Variants in MCAM observed in about 807,000 individuals in gnomAD.
The protein encoded by MCAM is cell surface glycoprotein MUC18.
MCAM carries 55 observed loss-of-function variants against 79.1 expected under a neutral mutation model. The ratio of observed to expected loss-of-function variants is 0.70; its 90% CI spans 0.56 to 0.87. The LOEUF is 0.87. MCAM is among the 40% of genes least tolerant of loss of function. MCAM has a pLI of 0.00. For synonymous variants in MCAM, 330 were observed against 339.8 expected (o/e 0.97, Z 0.32); for missense variants, 745 against 839.8 (o/e 0.89, Z 1.40).
At position 119,317,027 on chromosome 11, in the gene MCAM, G is replaced by T. The variant is rs938909384; in HGVS notation, c.67+8C>A. 23 of 1,531,248 alleles carry T rather than the reference G, an allele frequency of 1.5e-5. No individual in the cohort carries two copies. The Admixed American group carries it at 4.1e-4, about 28-fold the overall frequency. 94.9% of individuals were successfully genotyped at this position (1,531,248 alleles called of 1,614,324 possible). ...GCCGGGGCGCGGCCCCCCTGCGAGC[G>T]AACTCACCCGCGACGCGAGGACAGC... On this transcript the variant is annotated splice_region_variant and intron_variant, in intron 1 of 15. Transcript: ENST00000264036. This position sits in a 1 kb window ranked among gnomAD's most constrained non-coding sequence, Gnocchi z 6.2.
In MCAM at chr11:119,317,077, C is replaced by A; in HGVS notation, c.25G>T (p.Ala9Ser). The A allele has an allele frequency of 1.3e-6, 2 of 1,534,414 alleles. No homozygotes were observed. Among genetic ancestry groups the A allele is most frequent in the Non-Finnish European group, 8.7e-7 (1 of 1,144,234 alleles). ...CAGCAGCAGGCGGCGAGCAAGAAGG[C>A]GCAGACCAGCCTGGGAAGCCCCATG... is the stretch of plus-strand genomic sequence containing the variant. The part of the protein sequence containing the change: MGLPRLVC[A>S]FLLAACCCCP... Residue 9 changes from alanine (A) to serine (S), a missense_variant, in exon 1 of 16, where the codon GCC (alanine) becomes TCC (serine). Coordinates refer to ENST00000264036, the MANE Select transcript of MCAM (RefSeq NM_006500.3). The surrounding 1 kb of genome is among the most constrained non-coding windows in gnomAD (Gnocchi z 6.2).
Position 119,312,727 on chromosome 11 carries a change from GCAGCCC to G in MCAM, c.739+37_739+42del, listed in dbSNP as rs1236930297. 1.2e-6 allele frequency: 2 copies of G among 1,613,014 alleles called. No homozygotes were observed. Among genetic ancestry groups the G allele is most frequent in the Non-Finnish European group, 1.7e-6 (2 of 1,179,310 alleles). ...AAGGGGGAGCCAGCAGGAGTTTCCA[GCAGCCC>G]CAGCCCCAGTAAGCAGAGAGTCAGG... On this transcript the variant is annotated intron_variant, in intron 6 of 15. Coordinates refer to ENST00000264036, the MANE Select transcript of MCAM (RefSeq NM_006500.3). The surrounding 1 kb of genome is among the most constrained non-coding windows in gnomAD (Gnocchi z 4.9).
In MCAM at chr11:119,315,399, C is replaced by T. The variant is rs981398247; in HGVS notation, c.68-136G>A. ...AGGGCCCTGTCCTCTGAACGCTCTA[C>T]CCCCACCCCGACCCGCGCCCCACCT... is the stretch of plus-strand genomic sequence containing the variant. On this transcript the variant is annotated intron_variant, in intron 1 of 15. Coordinates refer to ENST00000264036, the MANE Select transcript of MCAM (RefSeq NM_006500.3). This position sits in a 1 kb window ranked among gnomAD's most constrained non-coding sequence, Gnocchi z 4.4. 1.0e-5 allele frequency: 12 copies of T among 1,165,582 alleles called. No homozygotes were observed. Among genetic ancestry groups the T allele is most frequent in the Non-Finnish European group, 1.3e-5 (11 of 847,164 alleles). The allele number at this position is 1,165,582 out of a possible 1,614,324, so 72.2% of individuals were successfully genotyped here. A position where few individuals can be genotyped will look rare whatever the true frequency, so the allele number is the denominator to read the frequency against.
Position 119,317,119 on chromosome 11 carries a change from C to A in MCAM, c.-18G>T. 2 of 1,518,068 alleles carry A rather than the reference C, an allele frequency of 1.3e-6. No homozygotes were observed. The highest frequency in any genetic ancestry group is 1.8e-6 in the Non-Finnish European group (2 of 1,137,258). The allele number at this position is 1,518,068 out of a possible 1,614,324, so 94.0% of individuals were successfully genotyped here. ...AGCCCCATGCTTCCCGGCCGGAGGGCGAGAGCCAAGTGAGCAGCTCGAGGC... is the reference window on the plus strand; with the variant it reads ...AGCCCCATGCTTCCCGGCCGGAGGGAGAGAGCCAAGTGAGCAGCTCGAGGC... On this transcript the variant is annotated 5_prime_UTR_variant, in exon 1 of 16. Coordinates refer to ENST00000264036, the MANE Select transcript of MCAM (RefSeq NM_006500.3). The surrounding 1 kb of genome is among the most constrained non-coding windows in gnomAD (Gnocchi z 6.2).
rs551780965 is a variant in MCAM, at chr11:119,309,596, A to C, written c.*290T>G. On this transcript the variant is annotated 3_prime_UTR_variant, in exon 16 of 16. Transcript: ENST00000264036. ...ACAGCCATAATGTGTGTAAAGAAAA[A>C]ACACGTTCTGCAAGAAACTCTCCTA... The C allele has an allele frequency of 1.0e-5, 5 of 500,744 alleles. No individual in the cohort carries two copies. In the South Asian group the frequency reaches 1.4e-4, roughly 14 times the overall value. 31.0% of individuals were successfully genotyped at this position (500,744 alleles called of 1,614,324 possible). A position where few individuals can be genotyped will look rare whatever the true frequency, so the allele number is the denominator to read the frequency against.
At chr11:119,313,040 C>G in intron 5 of MCAM, 91 bp from the exon 6 acceptor site, 1 of 1,590,250 alleles carries the variant, frequency 6.3e-7, no homozygotes, top group Non-Finnish European at 8.5e-7. Flanking sequence ...AGGGGACCAT[C>G]TAAATAGCCC....
chr11:119,314,685 A>G lies in MCAM; in HGVS notation c.465T>C (p.Pro155=). 1 of 1,613,864 alleles carries G rather than the reference A, an allele frequency of 6.2e-7. No individual in the cohort carries two copies. Among genetic ancestry groups the G allele is most frequent in the Non-Finnish European group, 8.5e-7 (1 of 1,179,948 alleles). ...PLGIPVNSKE[P]EEVATCVGRN... ...CACCTGCCACACATCTCACCTCCTC[A>G]GGCTCCTTACTGTTCACAGGGATGC... The change falls in exon 4 of 16, where the codon CCT becomes CCC. Residue 155 remains proline, a synonymous_variant. Transcript: ENST00000264036.
chr11:119,312,042 G>T lies in MCAM; in HGVS notation c.1143+10C>A, dbSNP rs770408252. On this transcript the variant is annotated intron_variant, in intron 9 of 15. Coordinates refer to ENST00000264036, the MANE Select transcript of MCAM (RefSeq NM_006500.3). The surrounding 1 kb of genome is among the most constrained non-coding windows in gnomAD (Gnocchi z 4.9). ...CCCATCAGCCCCTTGCCCCAGACCC[G>T]CCTGGGTACCTCTTCTCTCAGCCAC... 2.1e-6 allele frequency: 2 copies of T among 964,772 alleles called. No individual in the cohort carries two copies. The highest frequency in any genetic ancestry group is 1.3e-5 in the South Asian group (1 of 78,466). The allele number at this position is 964,772 out of a possible 1,614,324, so 59.8% of individuals were successfully genotyped here. A position where few individuals can be genotyped will look rare whatever the true frequency, so the allele number is the denominator to read the frequency against.
chr11:119,315,431 G>A lies in MCAM; in HGVS notation c.68-168C>T. 1.3e-6 allele frequency: 1 copy of A among 782,170 alleles called. No individual in the cohort carries two copies. Among genetic ancestry groups the A allele is most frequent in the Non-Finnish European group, 2.0e-6 (1 of 501,000 alleles). 48.5% of individuals were successfully genotyped at this position (782,170 alleles called of 1,614,324 possible). On this transcript the variant is annotated intron_variant, in intron 1 of 15. Coordinates refer to ENST00000264036, the MANE Select transcript of MCAM (RefSeq NM_006500.3). This position sits in a 1 kb window ranked among gnomAD's most constrained non-coding sequence, Gnocchi z 4.4. ...CCCGACCCGCGCCCCACCTGGGCCAGCCCTCTCCCCGTCCAGGAGATCCCA... is the reference window on the plus strand; with the variant it reads ...CCCGACCCGCGCCCCACCTGGGCCAACCCTCTCCCCGTCCAGGAGATCCCA...
intron 5 of MCAM, chr11:119,313,441 AG>A (rs1415579518): frequency 1.3e-6 from 1 of 771,206 alleles, no homozygotes; most frequent in Non-Finnish European, 1.8e-6. Context: ...CTTGTTGCCC[AG>A]GCTGGAGTGC....
rs762639587 is a variant in MCAM at position 119,317,003 on chromosome 11, C to T, written c.67+32G>A. On this transcript the variant is annotated intron_variant, in intron 1 of 15. Transcript: ENST00000264036. The surrounding 1 kb of genome is among the most constrained non-coding windows in gnomAD (Gnocchi z 6.2). The stretch of plus-strand genomic sequence containing the variant: ...GGCACGCTCCACCGCAGACCCCTAG[C>T]CGGGGCGCGGCCCCCCTGCGAGCGA... 1 of 1,518,348 alleles carries T rather than the reference C, an allele frequency of 6.6e-7. No individual in the cohort carries two copies. Among genetic ancestry groups the T allele is most frequent in the Admixed American group, 2.0e-5 (1 of 50,566 alleles). The allele number at this position is 1,518,348 out of a possible 1,614,324, so 94.1% of individuals were successfully genotyped here.
At position 119,308,551 on chromosome 11, in the gene MCAM, TTTTTCATATATATATATA is replaced by T. The variant is rs1344919932; in HGVS notation, c.*1317_*1334del. ...TGATTTCTGGGACAATTAAGCTTTA[TTTTTCATATATATATATA>T]TTTTCATATATATATATACATACAT... On this transcript the variant is annotated 3_prime_UTR_variant, in exon 16 of 16. Coordinates refer to ENST00000264036, the MANE Select transcript of MCAM (RefSeq NM_006500.3). 2.7e-5 allele frequency: 4 copies of T among 150,880 alleles called. No individual in the cohort carries two copies. The highest frequency in any genetic ancestry group is 4.2e-4 in the South Asian group (2 of 4,802). 9.3% of individuals were successfully genotyped at this position (150,880 alleles called of 1,614,324 possible). A position where few individuals can be genotyped will look rare whatever the true frequency, so the allele number is the denominator to read the frequency against.
rs1392544726 is a variant in MCAM, at chr11:119,316,749, A to C, written c.67+286T>G. ...AGAGTGAGCACCTCAGGGACCACCC[A>C]CCCCCCAGCACCCCGAAAGGCTGAG... On this transcript the variant is annotated intron_variant, in intron 1 of 15. Transcript: ENST00000264036. The surrounding 1 kb of genome is among the most constrained non-coding windows in gnomAD (Gnocchi z 4.8). The C allele has an allele frequency of 4.7e-6, 2 of 427,090 alleles. No individual in the cohort carries two copies. Among genetic ancestry groups the C allele is most frequent in the Admixed American group, 4.5e-5 (1 of 22,152 alleles). 26.5% of individuals were successfully genotyped at this position (427,090 alleles called of 1,614,324 possible).
chr11:119,311,439 A>G lies in MCAM; in HGVS notation c.1408-18T>C. 3 of 1,613,908 alleles carry G rather than the reference A, an allele frequency of 1.9e-6. No individual in the cohort carries two copies. Among genetic ancestry groups the G allele is most frequent in the Middle Eastern group, 1.6e-4 (1 of 6,062 alleles). On this transcript the variant is annotated intron_variant, in intron 11 of 15. Transcript: ENST00000264036. The surrounding 1 kb of genome is among the most constrained non-coding windows in gnomAD (Gnocchi z 4.4). ...TCACTTGCCTGCGAGGAAAGGAAGGAGGCAGCTCAGGGGATGGGGAGGATC... is the reference window on the plus strand; with the variant it reads ...TCACTTGCCTGCGAGGAAAGGAAGGGGGCAGCTCAGGGGATGGGGAGGATC...
In MCAM at chr11:119,312,951, T is replaced by G; in HGVS notation, c.560-2A>C. On this transcript the variant is annotated splice_acceptor_variant, in intron 5 of 15. Transcript: ENST00000264036. LOFTEE classifies it high-confidence loss of function. This position sits in a 1 kb window ranked among gnomAD's most constrained non-coding sequence, Gnocchi z 4.9. Reference sequence around the variant, plus strand: ...TCTGGGACGACTGAATGTGGACCCCTGGGCAGGGAGGAAGGGGAGGAAGAC... The same window carrying G: ...TCTGGGACGACTGAATGTGGACCCCGGGGCAGGGAGGAAGGGGAGGAAGAC... The G allele has an allele frequency of 6.2e-7, 1 of 1,614,064 alleles. No homozygotes were observed. The highest frequency in any genetic ancestry group is 8.5e-7 in the Non-Finnish European group (1 of 1,180,022).
In MCAM at chr11:119,311,530, C is replaced by T. The variant is rs1950233622; in HGVS notation, c.1407G>A (p.Thr469=). ...TGTGGCAGATGAGACACCCGCTCAC[C>T]GTGCCGTTGACGTTCCAGGAGATGG... is the stretch of plus-strand genomic sequence containing the variant. ...RPTISWNVNG[T]ASEQDQDPQR... is the part of the protein sequence containing the mutation. Residue 469 remains threonine (T), a splice_region_variant and synonymous_variant, in exon 11 of 16, where the codon ACG becomes ACA. Coordinates refer to ENST00000264036, the MANE Select transcript of MCAM (RefSeq NM_006500.3). This position sits in a 1 kb window ranked among gnomAD's most constrained non-coding sequence, Gnocchi z 4.4. The T allele has an allele frequency of 1.2e-6, 2 of 1,614,118 alleles. No individual in the cohort carries two copies. Among genetic ancestry groups the T allele is most frequent in the South Asian group, 1.1e-5 (1 of 91,086 alleles).
chr11:119,310,301 C>T (rs772391617), intron 15 of MCAM, 48 bp downstream of exon 15: 34 of 1,231,124 alleles, frequency 2.8e-5, no homozygotes, highest in Admixed American at 2.5e-4. Flanking sequence ...CTACTGCCCC[C>T]GGTCCCTGAG....
intron 5 of MCAM, 174 bp from the exon 6 acceptor site, chr11:119,313,123 G>T: frequency 6.5e-7 from 1 of 1,533,580 alleles, no homozygotes; most frequent in Non-Finnish European, 8.7e-7. Flanking sequence ...ACTGCTCAGT[G>T]TCAACCCTAG....
rs149483362 is a variant in MCAM at position 119,311,092 on chromosome 11, G to A, written c.1643C>T (p.Thr548Ile). Residue 548 changes from threonine (T) to isoleucine (I), a missense_variant and splice_region_variant, in exon 13 of 16, where the codon ACA becomes ATA. By Grantham distance (89) the Thr-to-Ile change is moderately conservative. Coordinates refer to ENST00000264036, the MANE Select transcript of MCAM (RefSeq NM_006500.3). The surrounding 1 kb of genome is among the most constrained non-coding windows in gnomAD (Gnocchi z 4.4). ...TTCTCTTGCCAGGCCTGGCTTACCT[G>A]TGGAGGTGCTGTTGGCTCTGGTATG... ...SPHTRANSTSTERKLPEPESR... is the reference protein window; with the variant it reads ...SPHTRANSTSIERKLPEPESR... The A allele has an allele frequency of 3.1e-6, 5 of 1,614,266 alleles. No individual in the cohort carries two copies. The highest frequency in any genetic ancestry group is 4.2e-6 in the Non-Finnish European group (5 of 1,180,050).
Sources: allele counts gnomAD v4.1 joint callset, GRCh38; gene constraint gnomAD v4.1.1; non-coding constraint Gnocchi (gnomAD v3.1); transcripts MANE v1.5; gene names NCBI Gene and HGNC (gene_info 2026-07-23, HGNC 2026-07-21).